The following UNC5B variants were observed in gnomAD, a reference collection of about 807,000 sequenced individuals.
UNC5B encodes the protein netrin receptor UNC5B.
In UNC5B, 56 loss-of-function variants were observed where a neutral mutation model predicts 103.7. The observed-to-expected ratio is 0.54, with a 90% CI of 0.44 to 0.67. UNC5B has a LOEUF of 0.67. Ranked by LOEUF, UNC5B falls within the 30% of genes least tolerant of loss-of-function variation. The pLI is 0.00. For synonymous variants in UNC5B, 577 were observed against 542.0 expected (o/e 1.06, Z -0.90); for missense variants, 1,194 against 1,284.5 (o/e 0.93, Z 1.08).
intron 11 of UNC5B, among the ~76,000 whole-genome samples, chr10:71,292,876 T>C (rs182139475): frequency 6.6e-6 from 1 of 152,338 alleles, no homozygotes; most frequent in African/African-American, 2.4e-5. Context: ...ACACACACTG[T>C]CTCACACAAA....
intron 5 of UNC5B, 71 bp downstream of exon 5, chr10:71,286,940 G>GA: frequency 6.4e-7 from 1 of 1,566,522 alleles, no homozygotes. Context: ...GGGTAGGGGG[G>GA]ACCCCTGGAT....
intron 13 of UNC5B, among the ~76,000 whole-genome samples, chr10:71,295,094 A>G (rs1355896260): frequency 6.6e-6 from 1 of 152,162 alleles, no homozygotes; most frequent in East Asian, 1.9e-4. Flanking sequence ...ACTTGTCCCA[A>G]AGCCCACACT....
intron 1 of UNC5B, among the ~76,000 whole-genome samples, chr10:71,233,904 G>T (rs574382775): frequency 1.3e-5 from 2 of 152,344 alleles, no homozygotes; most frequent in East Asian, 1.9e-4. Context: ...GGCTGAGGCC[G>T]CCAGGAGATT....
rs529516812 is a variant in UNC5B, at chr10:71,213,630, C to A, written c.79+566C>A. 3.9e-4 allele frequency among the ~76,000 whole-genome samples: 59 copies of A among 151,654 alleles called. No individual in the cohort carries two copies. In the South Asian group the frequency reaches 0.012, roughly 31 times the overall value. ...CTGAAGCGGGGAGGGCTAAGTCTTG[C>A]ACACATAGCTTTCCCCGAGATCGCT... On this transcript the variant is annotated intron_variant, in intron 1 of 16. Coordinates refer to ENST00000335350, the MANE Select transcript of UNC5B (RefSeq NM_170744.5). This position sits in a 1 kb window ranked among gnomAD's most constrained non-coding sequence, Gnocchi z 4.1.
intron 15 of UNC5B, among the ~76,000 whole-genome samples, chr10:71,297,606 G>T (rs74147824): frequency 0.019 from 2,965 of 152,348 alleles, 109 homozygotes; most frequent in African/African-American, 0.068. Context: ...GTACAAGAGG[G>T]TGCATGTGGA....
In UNC5B at chr10:71,271,557, G is replaced by A. The variant is rs147416969; in HGVS notation, c.80-8264G>A. On this transcript the variant is annotated intron_variant, in intron 1 of 16. Coordinates refer to ENST00000335350, the MANE Select transcript of UNC5B (RefSeq NM_170744.5). ...AGCCAGAGGAAGGGTCTGGAGGGAG[G>A]GCCTTGGGGGTGGAAGTCAGGGTGG... Among the ~76,000 whole-genome samples, 17 of 152,330 alleles carry A rather than the reference G, an allele frequency of 1.1e-4. No homozygotes were observed. The East Asian group carries it at 2.9e-3, about 26-fold the overall frequency.
At chr10:71,293,346 G>C in intron 11 of UNC5B, 59 bp from the exon 12 acceptor site, 2 of 1,537,434 alleles carry the variant, frequency 1.3e-6, no homozygotes, top group Non-Finnish European at 1.8e-6. Context: ...AGCCCAGCAG[G>C]AGCCTGCACC....
Position 71,292,531 on chromosome 10 carries a change from C to G in UNC5B, c.1749C>G (p.Leu583=). 2 of 1,605,188 alleles carry G rather than the reference C, an allele frequency of 1.2e-6. No homozygotes were observed. Among genetic ancestry groups the G allele is most frequent in the Non-Finnish European group, 1.7e-6 (2 of 1,176,016 alleles). ...PQGKFYEMYL[L]INKAESTLPL... ...GCAAGTTCTACGAGATGTATCTACT[C>G]ATCAACAAGGCAGAAAGTACCCTGT... is the stretch of plus-strand genomic sequence containing the variant. The change falls in exon 11 of 17, where the codon CTC becomes CTG. Residue 583 remains leucine (L), a synonymous_variant. Coordinates refer to ENST00000335350, the MANE Select transcript of UNC5B (RefSeq NM_170744.5).
intron 1 of UNC5B, among the ~76,000 whole-genome samples, chr10:71,248,720 T>C (rs1467897659): frequency 6.6e-6 from 1 of 152,052 alleles, no homozygotes; most frequent in Non-Finnish European, 1.5e-5. Flanking sequence ...GCATGCACTT[T>C]TACACAGACC....
intron 1 of UNC5B, among the ~76,000 whole-genome samples, chr10:71,220,886 G>A (rs1843439765): frequency 6.6e-6 from 1 of 152,224 alleles, no homozygotes; most frequent in South Asian, 2.1e-4. Context: ...TTCATTTGCT[G>A]TGAGACCCTA....
rs545973457 is a variant in UNC5B, at chr10:71,239,930, G to A, written c.79+26866G>A. 1.2e-4 allele frequency among the ~76,000 whole-genome samples: 19 copies of A among 152,300 alleles called. No individual in the cohort carries two copies. In the South Asian group the frequency reaches 2.9e-3, roughly 23 times the overall value. The stretch of plus-strand genomic sequence containing the variant: ...CTCGGGAGGCTGCCCATTCTGTGAG[G>A]GGACTGGCCTTGGGCTCATGGAGAA... On this transcript the variant is annotated intron_variant, in intron 1 of 16. Coordinates refer to ENST00000335350, the MANE Select transcript of UNC5B (RefSeq NM_170744.5).
intron 1 of UNC5B, chr10:71,218,170 T>A (rs1471467818): frequency 1.3e-5 from 2 of 152,366 alleles, no homozygotes. Flanking sequence ...GTCAGGTGTG[T>A]GTGGGGGCGA....
In UNC5B at chr10:71,286,721, C is replaced by A. The variant is rs772478968; in HGVS notation, c.585C>A (p.Asp195Glu). 1.9e-6 allele frequency: 3 copies of A among 1,614,216 alleles called. No individual in the cohort carries two copies. Among genetic ancestry groups the A allele is most frequent in the Admixed American group, 3.3e-5 (2 of 60,028 alleles). ...VEWLKNEDVIDPTQDTNFLLT... is the reference protein window; with the variant it reads ...VEWLKNEDVIEPTQDTNFLLT... ...GGCTCAAGAATGAGGATGTCATCGA[C>A]CCCACCCAGGACACCAACTTCCTGC... Residue 195 changes from aspartate (D) to glutamate (E), a missense_variant, in exon 5 of 17, where the codon GAC (aspartate) becomes GAA (glutamate). Physicochemically the swap from Asp to Glu is conservative, Grantham distance 45. Transcript: ENST00000335350.
At chr10:71,292,685 T>A in intron 11 of UNC5B, 131 bp downstream of exon 11, 2 of 760,800 alleles carry the variant, frequency 2.6e-6, no homozygotes, top group Non-Finnish European at 2.0e-6. Context: ...TCTTACTGTG[T>A]CCATATTGAA....
intron 1 of UNC5B, among the ~76,000 whole-genome samples, chr10:71,214,854 C>T (rs1264451297): frequency 6.6e-6 from 1 of 152,172 alleles, no homozygotes; most frequent in Non-Finnish European, 1.5e-5. Context: ...AGGCCCAGGG[C>T]TTTGATGGAT....
Position 71,276,924 on chromosome 10 carries a change from G to A in UNC5B, c.80-2897G>A, listed in dbSNP as rs545053170. Among the ~76,000 whole-genome samples the A allele has an allele frequency of 7.2e-5, 11 of 152,294 alleles. No individual in the cohort carries two copies. The South Asian group carries it at 2.3e-3, about 32-fold the overall frequency. On this transcript the variant is annotated intron_variant, in intron 1 of 16. Transcript: ENST00000335350. ...CAACAGCTACATCAAGAGCCATCCG[G>A]TACTGCTGCAACAGAGAGGCACAGA...
intron 14 of UNC5B, 92 bp downstream of exon 14, chr10:71,296,052 C>T: frequency 6.5e-7 from 1 of 1,548,290 alleles, no homozygotes; most frequent in African/African-American, 1.4e-5. Context: ...CTAGCTCTGT[C>T]CTGTGGCCTT....
intron 1 of UNC5B, among the ~76,000 whole-genome samples, chr10:71,269,981 C>T (rs999559736): frequency 6.6e-6 from 1 of 152,098 alleles, no homozygotes; most frequent in African/African-American, 2.4e-5. Context: ...AAGAGACCAG[C>T]AGAGGCGCTG....
intron 1 of UNC5B, among the ~76,000 whole-genome samples, chr10:71,247,049 C>T (rs1394952565): frequency 6.6e-6 from 1 of 152,200 alleles, no homozygotes; most frequent in Non-Finnish European, 1.5e-5. Context: ...AGCCTCCAGC[C>T]TTTGCCCAGA....
Sources: allele counts gnomAD v4.1 joint callset (sites outside exome capture counted in the v4.1 genomes callset), GRCh38; gene constraint gnomAD v4.1.1; non-coding constraint Gnocchi (gnomAD v3.1); transcripts MANE v1.5; gene names NCBI Gene and HGNC (gene_info 2026-07-23, HGNC 2026-07-21).